The following USP12 variants were observed in gnomAD, a reference collection of about 807,000 sequenced individuals.
USP12 encodes the protein ubiquitin carboxyl-terminal hydrolase 12.
USP12 carries 19 observed loss-of-function variants against 45.5 expected under a neutral mutation model. The observed-to-expected ratio is 0.42, with a 90% confidence interval of 0.29 to 0.61. The LOEUF (loss-of-function observed/expected upper bound fraction) is 0.61, where lower values mean the gene tolerates loss of function less well. Ranked by LOEUF, USP12 falls within the 20% of genes least tolerant of loss-of-function variation. USP12 has a pLI of 0.22. For missense variants in USP12, 242 were observed against 447.7 expected, an observed-to-expected ratio of 0.54 and a Z score of 4.15; for synonymous variants, 149 against 148.8, an observed-to-expected ratio of 1.00 and a Z score of -0.01.
intron 4 of USP12, among the ~76,000 whole-genome samples, chr13:27,094,695 C>G (rs1205933451): frequency 6.7e-6 from 1 of 150,322 alleles, no homozygotes. Context: ...ATCAGAGAAA[C>G]TAAATATGAG....
chr13:27,149,211 TAATAA>T lies in USP12; in HGVS notation c.48+22376_48+22380del, dbSNP rs754273606. ...AAAAGAAAAGATTGATTTACGGAAT[TAATAA>T]AATAAAAGAGGAAAAGAGCTCCTCA... On this transcript the variant is annotated intron_variant, in intron 1 of 8. Coordinates refer to ENST00000282344, the MANE Select transcript of USP12 (RefSeq NM_182488.4). Among the ~76,000 whole-genome samples, 34 of 146,908 alleles carry T rather than the reference TAATAA, an allele frequency of 2.3e-4. No homozygotes were observed. In the East Asian group the frequency reaches 3.7e-3, roughly 16 times the overall value.
chr13:27,109,075 T>C (rs1488514069), intron 2 of USP12, among the ~76,000 whole-genome samples: 1 of 152,218 alleles, frequency 6.6e-6, no homozygotes, highest in Non-Finnish European at 1.5e-5. Context: ...TCATCTTGCC[T>C]TTCTTATAAG....
At chr13:27,102,108 G>C (rs1874894109) in intron 3 of USP12, among the ~76,000 whole-genome samples, 1 of 152,144 alleles carries the variant, frequency 6.6e-6, no homozygotes, top group Non-Finnish European at 1.5e-5. Context: ...AACAATAACT[G>C]AAATGACTGA....
chr13:27,170,063 C>T, intron 1 of USP12: 2 of 358,412 alleles, frequency 5.6e-6, no homozygotes, highest in Admixed American at 4.7e-5. Flanking sequence ...TAATAATTGG[C>T]GTATCTAAAA....
At chr13:27,131,251 G>C (rs984283611) in intron 1 of USP12, among the ~76,000 whole-genome samples, 20 of 152,190 alleles carry the variant, frequency 1.3e-4, no homozygotes, top group South Asian at 6.2e-4. Context: ...CTGCACAGGT[G>C]TGAAACCCTC....
chr13:27,068,575 A>G lies in USP12; in HGVS notation c.*708T>C, dbSNP rs1593167094. On this transcript the variant is annotated 3_prime_UTR_variant, in exon 9 of 9. Transcript: ENST00000282344. ...ACTGACAGAATCATGGGCACTTCATATAATACTTAGACTCTACCAGTTTTA... is the reference window on the plus strand; with the variant it reads ...ACTGACAGAATCATGGGCACTTCATGTAATACTTAGACTCTACCAGTTTTA... 4 of 152,364 alleles carry G rather than the reference A, an allele frequency of 2.6e-5. No homozygotes were observed. The East Asian group carries it at 7.7e-4, about 29-fold the overall frequency. 9.4% of individuals were successfully genotyped at this position (152,364 alleles called of 1,614,324 possible).
chr13:27,099,643 A>C (rs1294383572), intron 3 of USP12, among the ~76,000 whole-genome samples: 1 of 151,982 alleles, frequency 6.6e-6, no homozygotes, highest in African/African-American at 2.4e-5. Flanking sequence ...TCTCCCTAGG[A>C]ATTTTCCCTG....
intron 1 of USP12, among the ~76,000 whole-genome samples, chr13:27,150,107 A>G (rs1877502242): frequency 6.6e-6 from 1 of 152,260 alleles, no homozygotes; most frequent in Non-Finnish European, 1.5e-5. Context: ...TATTCCCAAC[A>G]CAAAGAAATG....
chr13:27,074,059 G>A (rs75886081), intron 7 of USP12, among the ~76,000 whole-genome samples: 2,043 of 152,302 alleles, frequency 0.013, 20 homozygotes, highest in Middle Eastern at 0.02. Flanking sequence ...AATGGAGGAA[G>A]AAGACGATTA....
intron 3 of USP12, among the ~76,000 whole-genome samples, chr13:27,101,785 T>A (rs923350397): frequency 2.0e-5 from 3 of 152,160 alleles, no homozygotes; most frequent in African/African-American, 7.2e-5. Context: ...GAAATAAACA[T>A]AAGAAATTAT....
chr13:27,099,766 A>G (rs911605318), intron 3 of USP12, among the ~76,000 whole-genome samples: 1 of 152,186 alleles, frequency 6.6e-6, no homozygotes, highest in African/African-American at 2.4e-5. Context: ...AATCAAATAC[A>G]ATAATATTAA....
At chr13:27,157,970 TAATG>T (rs1354045420) in intron 1 of USP12, among the ~76,000 whole-genome samples, 1 of 152,234 alleles carries the variant, frequency 6.6e-6, no homozygotes, top group Non-Finnish European at 1.5e-5. Context: ...TAACCCAACT[TAATG>T]AATATTCCTT....
intron 6 of USP12, among the ~76,000 whole-genome samples, chr13:27,084,642 A>G (rs1247212815): frequency 6.6e-6 from 1 of 152,174 alleles, no homozygotes; most frequent in Non-Finnish European, 1.5e-5. Context: ...TTTGCTAAAG[A>G]CATTATCCTT....
chr13:27,093,296 CA>C (rs537757686), intron 4 of USP12, among the ~76,000 whole-genome samples: 1,532 of 110,388 alleles, frequency 0.014, 22 homozygotes, highest in African/African-American at 0.043. Flanking sequence ...AACTAGTAGC[CA>C]AAATTATACC....
chr13:27,143,779 C>A (rs1045561988), intron 1 of USP12, among the ~76,000 whole-genome samples: 4 of 152,192 alleles, frequency 2.6e-5, no homozygotes, highest in African/African-American at 9.7e-5. Flanking sequence ...TCTAATCAAG[C>A]CTTTAGACCT....
Position 27,114,769 on chromosome 13 carries a change from T to A in USP12, c.129+1747A>T, listed in dbSNP as rs74041195. On this transcript the variant is annotated intron_variant, in intron 2 of 8. Coordinates refer to ENST00000282344, the MANE Select transcript of USP12 (RefSeq NM_182488.4). ...TGGGTATTTTCCTCCTCTCCATTTT[T>A]AAAAAAAAAAAAAAAACAAACTTGA... Among the ~76,000 whole-genome samples the A allele has an allele frequency of 6.3e-3, 897 of 142,766 alleles. 4 individuals are homozygous for A. The highest frequency in any genetic ancestry group is 0.018 in the African/African-American group (706 of 39,462). The allele number at this position is 142,766 out of a possible 152,430, so 93.7% of individuals were successfully genotyped here. A position where few individuals can be genotyped will look rare whatever the true frequency, so the allele number is the denominator to read the frequency against.
intron 4 of USP12, among the ~76,000 whole-genome samples, chr13:27,091,208 T>C (rs1874297653): frequency 1.3e-5 from 2 of 152,094 alleles, no homozygotes; most frequent in Admixed American, 1.3e-4. Flanking sequence ...ATCAATTTTG[T>C]AGAAAAGTGG....
intron 1 of USP12, among the ~76,000 whole-genome samples, chr13:27,142,112 ACT>A (rs1353949115): frequency 6.6e-6 from 1 of 152,156 alleles, no homozygotes; most frequent in Non-Finnish European, 1.5e-5. Context: ...ACAGAGCGAG[ACT>A]CTGTCTCAAA....
At chr13:27,084,344 A>G (rs1194582911) in intron 6 of USP12, among the ~76,000 whole-genome samples, 3 of 151,800 alleles carry the variant, frequency 2.0e-5, no homozygotes, top group Admixed American at 2.0e-4. Flanking sequence ...CGTCTCTACT[A>G]AAAATACAAA....
Sources: allele counts gnomAD v4.1 joint callset (sites outside exome capture counted in the v4.1 genomes callset), GRCh38; gene constraint gnomAD v4.1.1; transcripts MANE v1.5; gene names NCBI Gene and HGNC (gene_info 2026-07-23, HGNC 2026-07-21).